The following CCDC178 variants were observed in gnomAD, a reference collection of about 807,000 sequenced individuals.
CCDC178 encodes coiled-coil domain-containing protein 178.
CCDC178 carries 126 observed loss-of-function variants against 117.4 expected under a neutral mutation model. The ratio of observed to expected loss-of-function variants is 1.07; its 90% confidence interval spans 0.93 to 1.24. CCDC178 has a LOEUF of 1.24. Among genes scored for constraint, CCDC178 ranks in the 50% most tolerant of loss-of-function variants. The pLI, the probability that CCDC178 is intolerant of heterozygous loss-of-function variation, is 0.00. For missense variants in CCDC178, 1,030 were observed against 986.9 expected (o/e 1.04, Z -0.59); for synonymous variants, 283 against 313.4 (o/e 0.90, Z 1.02).
intron 20 of CCDC178, among the ~76,000 whole-genome samples, chr18:33,117,869 G>A (rs952031017): frequency 6.6e-6 from 1 of 152,002 alleles, no homozygotes; most frequent in Non-Finnish European, 1.5e-5. Context: ...ATCAATTGGG[G>A]TATTGTAGTT....
intron 12 of CCDC178, among the ~76,000 whole-genome samples, chr18:33,271,760 T>C (rs2059893444): frequency 6.6e-6 from 1 of 151,402 alleles, no homozygotes; most frequent in Non-Finnish European, 1.5e-5. Context: ...CACAAAGAAA[T>C]AACAGAAGGA....
At chr18:33,048,735 T>A (rs955731048) in intron 21 of CCDC178, among the ~76,000 whole-genome samples, 20 of 152,172 alleles carry the variant, frequency 1.3e-4, no homozygotes, top group African/African-American at 4.8e-4. Flanking sequence ...AAGGATAGCT[T>A]CATTTTTATC....
intron 21 of CCDC178, among the ~76,000 whole-genome samples, chr18:32,995,971 A>G (rs2055498918): frequency 6.6e-6 from 1 of 150,564 alleles, no homozygotes; most frequent in Non-Finnish European, 1.5e-5. Flanking sequence ...ATTTACATAT[A>G]TATATTAAGA....
chr18:33,228,828 G>A (rs1265867019), intron 15 of CCDC178, among the ~76,000 whole-genome samples: 3 of 152,156 alleles, frequency 2.0e-5, no homozygotes, highest in Admixed American at 2.0e-4. Flanking sequence ...CTATGAGACG[G>A]TCCTCTTTAC....
intron 22 of CCDC178, among the ~76,000 whole-genome samples, chr18:32,960,038 A>G (rs2054675201): frequency 6.6e-6 from 1 of 152,252 alleles, no homozygotes. Flanking sequence ...TTAACAGAAT[A>G]AAAAGAGTAG....
At chr18:33,419,800 G>T (rs891285521) in intron 2 of CCDC178, among the ~76,000 whole-genome samples, 1 of 152,166 alleles carries the variant, frequency 6.6e-6, no homozygotes, top group Non-Finnish European at 1.5e-5. Context: ...TGGTGAGGTT[G>T]TGAAGAAAAG....
intron 21 of CCDC178, among the ~76,000 whole-genome samples, chr18:33,091,321 A>ATTTTTTTTTTTTTT (rs1415932731): frequency 1.1e-4 from 2 of 18,350 alleles, no homozygotes; most frequent in Non-Finnish European, 3.6e-4. Context: ...CACTTATTTC[A>ATTTTTTTTTTTTTT]TTCTTTTTTT....
intron 21 of CCDC178, among the ~76,000 whole-genome samples, chr18:33,041,692 CA>C (rs1367107187): frequency 6.6e-6 from 1 of 151,384 alleles, no homozygotes; most frequent in African/African-American, 2.4e-5. Context: ...TCCTCCTCCC[CA>C]AACAGTTTTA....
At chr18:33,062,281 T>C (rs2144965324) in intron 21 of CCDC178, among the ~76,000 whole-genome samples, 1 of 152,268 alleles carries the variant, frequency 6.6e-6, no homozygotes, top group East Asian at 1.9e-4. Context: ...AAACAAAGTA[T>C]GAAATATAAT....
chr18:32,962,439 C>G (rs568155528), intron 22 of CCDC178, among the ~76,000 whole-genome samples: 2 of 152,196 alleles, frequency 1.3e-5, no homozygotes, highest in East Asian at 3.9e-4. Context: ...TAATTCAGAT[C>G]TACTGGTCAG....
intron 11 of CCDC178, among the ~76,000 whole-genome samples, chr18:33,314,231 AAAG>A (rs1342017962): frequency 1.2e-4 from 17 of 145,502 alleles, no homozygotes; most frequent in African/African-American, 3.8e-4. Flanking sequence ...AAAAAAAAAA[AAAG>A]AAATTGTGCC....
At chr18:33,433,700 G>A (rs1205735275) in intron 2 of CCDC178, among the ~76,000 whole-genome samples, 3 of 152,094 alleles carry the variant, frequency 2.0e-5, no homozygotes, top group Non-Finnish European at 4.4e-5. Flanking sequence ...GTAATAAAAC[G>A]CTAAGGTTTC....
chr18:33,010,424 A>G (rs756661650), intron 21 of CCDC178, among the ~76,000 whole-genome samples: 1 of 152,202 alleles, frequency 6.6e-6, no homozygotes, highest in Non-Finnish European at 1.5e-5. Context: ...AACCACAAAT[A>G]AAATCAAAGG....
chr18:33,291,787 G>C (rs777097046), intron 12 of CCDC178, among the ~76,000 whole-genome samples: 10 of 152,174 alleles, frequency 6.6e-5, no homozygotes, highest in Non-Finnish European at 1.5e-4. Flanking sequence ...TCTGAAAACT[G>C]AGTGTGATCT....
At chr18:33,379,316 C>T (rs904038805) in intron 5 of CCDC178, among the ~76,000 whole-genome samples, 1 of 151,460 alleles carries the variant, frequency 6.6e-6, no homozygotes, top group African/African-American at 2.4e-5. Flanking sequence ...GCGCTATGCA[C>T]CTCTGTTAGC....
Position 33,215,674 on chromosome 18 carries a change from TA to T in CCDC178, c.1953del (p.Phe651LeufsTer4). On this transcript the variant is annotated frameshift_variant, in exon 19 of 23. Transcript: ENST00000383096. LOFTEE classifies it high-confidence loss of function. ...IETESKRSAI[F>X]KDLEATKSKT... ...TTACTTTTAGTTGCTTCTAGGTCTTTAAAAATTGCTGAGCGTTTACTCTGAA... is the reference window on the plus strand; with the variant it reads ...TTACTTTTAGTTGCTTCTAGGTCTTTAAAATTGCTGAGCGTTTACTCTGAA... 1 of 1,530,764 alleles carries T rather than the reference TA, an allele frequency of 6.5e-7. No individual in the cohort carries two copies. Among genetic ancestry groups the T allele is most frequent in the Non-Finnish European group, 8.7e-7 (1 of 1,147,048 alleles). 94.8% of individuals were successfully genotyped at this position (1,530,764 alleles called of 1,614,324 possible).
chr18:33,222,250 T>C lies in CCDC178; in HGVS notation c.1932+856A>G, dbSNP rs1476804507. Among the ~76,000 whole-genome samples, 4 of 148,746 alleles carry C rather than the reference T, an allele frequency of 2.7e-5. No homozygotes were observed. The East Asian group carries it at 8.3e-4, about 31-fold the overall frequency. Reference sequence around the variant, plus strand: ...TTCCTTTCTTCCTTCCTTCCCTCCCTCCCTCCTTTCCTGCCTCCTTCCTTC... The same window carrying C: ...TTCCTTTCTTCCTTCCTTCCCTCCCCCCCTCCTTTCCTGCCTCCTTCCTTC... On this transcript the variant is annotated intron_variant, in intron 18 of 22. Coordinates refer to ENST00000383096, the MANE Select transcript of CCDC178 (RefSeq NM_001105528.4).
intron 20 of CCDC178, among the ~76,000 whole-genome samples, chr18:33,183,525 T>C (rs1447945568): frequency 6.6e-6 from 1 of 151,996 alleles, no homozygotes; most frequent in East Asian, 1.9e-4. Context: ...TGGCACGGTA[T>C]GATTGCTAAA....
Position 33,320,944 on chromosome 18 carries a change from C to A in CCDC178, c.1022+2547G>T, listed in dbSNP as rs190013489. Among the ~76,000 whole-genome samples the A allele has an allele frequency of 1.2e-4, 18 of 152,282 alleles. No individual in the cohort carries two copies. In the East Asian group the frequency reaches 3.1e-3, roughly 26 times the overall value. The stretch of plus-strand genomic sequence containing the variant: ...CCTCAGAAATAATACCACACATCTA[C>A]AACCACCTGACCTTTGACAAACCTG... On this transcript the variant is annotated intron_variant, in intron 11 of 22. Transcript: ENST00000383096.
Sources: allele counts gnomAD v4.1 joint callset (sites outside exome capture counted in the v4.1 genomes callset), GRCh38; gene constraint gnomAD v4.1.1; transcripts MANE v1.5; gene names NCBI Gene and HGNC (gene_info 2026-07-23, HGNC 2026-07-21).